MGAM: variants seen among roughly 807,000 people sequenced by gnomAD.
MGAM encodes maltase-glucoamylase.
Under a neutral mutation model 358.8 loss-of-function variants are expected in MGAM, and 253 were observed. That is an observed-to-expected ratio of 0.71 (90% CI 0.64 to 0.78). The LOEUF (loss-of-function observed/expected upper bound fraction) is 0.78, where lower values mean the gene tolerates loss of function less well. Ranked by LOEUF, MGAM falls within the 30% of genes least tolerant of loss-of-function variation. The pLI is 0.00. For missense variants in MGAM, 3,080 were observed against 3,432.6 expected (o/e 0.90, Z 2.57); for synonymous variants, 1,105 against 1,227.1 (o/e 0.90, Z 2.08).
rs782748408 is a variant in MGAM, at chr7:142,005,168, AAGAAATTTTAAAATTCACT to A, written c.-2-357_-2-339del. 1.2e-3 allele frequency among the ~76,000 whole-genome samples: 182 copies of A among 152,210 alleles called. 1 individual carries two copies. In the Middle Eastern group the frequency reaches 0.014, roughly 11 times the overall value. ...ATTATAAAAGTTTATCAGACAATGA[AAGAAATTTTAAAATTCACT>A]AGATATTTGATGACAGTAAATTATT... is the stretch of plus-strand genomic sequence containing the variant. On this transcript the variant is annotated intron_variant, in intron 1 of 70. Transcript: ENST00000475668.
At chr7:142,031,197 T>C (rs528728091) in intron 12 of MGAM, among the ~76,000 whole-genome samples, 7 of 152,226 alleles carry the variant, frequency 4.6e-5, no homozygotes, top group Non-Finnish European at 7.3e-5. Context: ...CAAATGTTTG[T>C]TTGTCCTTGT....
chr7:141,988,827 A>G (rs1803819046), intron 2 of MGAM, among the ~76,000 whole-genome samples: 1 of 152,172 alleles, frequency 6.6e-6, no homozygotes, highest in South Asian at 2.1e-4. Context: ...AGACAAGGAA[A>G]TGCTGTAATG....
At chr7:142,058,558 G>T (rs1226340654) in intron 31 of MGAM, among the ~76,000 whole-genome samples, 1 of 152,190 alleles carries the variant, frequency 6.6e-6, no homozygotes, top group African/African-American at 2.4e-5. Context: ...GAGATAGGCT[G>T]GCTCCAGGGC....
At chr7:142,050,515 TC>T (rs1360381639) in intron 23 of MGAM, among the ~76,000 whole-genome samples, 181 bp from the exon 24 acceptor site, 1 of 152,162 alleles carries the variant, frequency 6.6e-6, no homozygotes, top group African/African-American at 2.4e-5. Context: ...GTTTTTATGA[TC>T]GTTTTAAATT....
chr7:142,081,470 G>A (rs1315704232), intron 50 of MGAM, among the ~76,000 whole-genome samples: 1 of 145,536 alleles, frequency 6.9e-6, no homozygotes, highest in East Asian at 2.0e-4. Flanking sequence ...TTCAGACAGA[G>A]GGAATAGGAA....
At chr7:142,058,371 G>C (rs1287156835) in intron 31 of MGAM, 43 bp downstream of exon 31, 13 of 1,611,202 alleles carry the variant, frequency 8.1e-6, no homozygotes, top group Non-Finnish European at 1.0e-5. Context: ...AACTAACCCA[G>C]GTGCCTCTGT....
chr7:142,009,701 C>T (rs147681281), intron 3 of MGAM, among the ~76,000 whole-genome samples: 11 of 151,210 alleles, frequency 7.3e-5, no homozygotes, highest in African/African-American at 1.5e-4. Flanking sequence ...ACGGCCTTGG[C>T]GTTTATTAAT....
chr7:142,052,263 G>T, intron 24 of MGAM, 31 bp from the exon 25 acceptor site: 1 of 1,561,240 alleles, frequency 6.4e-7, no homozygotes, highest in Non-Finnish European at 8.7e-7. Flanking sequence ...TCCTAAAGAT[G>T]AATTTCCTTA....
At chr7:141,997,525 A>T (rs555010133) in intron 1 of MGAM, among the ~76,000 whole-genome samples, 25 of 152,206 alleles carry the variant, frequency 1.6e-4, no homozygotes, top group Non-Finnish European at 3.5e-4. Context: ...ATAAGCATGG[A>T]ATGGAACTAG....
At chr7:142,078,002 G>C (rs573423406) in intron 47 of MGAM, among the ~76,000 whole-genome samples, 38 of 145,308 alleles carry the variant, frequency 2.6e-4, no homozygotes, top group African/African-American at 9.0e-4. Context: ...TTCCAGACAA[G>C]ACACAGAGGG....
chr7:142,026,380 G>C (rs77330520), intron 8 of MGAM, among the ~76,000 whole-genome samples: 7,561 of 152,150 alleles, frequency 0.05, 421 homozygotes, highest in African/African-American at 0.13. Context: ...TTCTTGGGAG[G>C]CTGCAAATTA....
At position 142,040,849 on chromosome 7, in the gene MGAM, A is replaced by G; in HGVS notation, c.2498+3A>G. On this transcript the variant is annotated splice_donor_region_variant and intron_variant, in intron 21 of 70. Transcript: ENST00000475668. ...CCAAATACAACCACTCTGGCCAGGT[A>G]TAGCATGGCTGGAGTGTCCTTTCAG... is the stretch of plus-strand genomic sequence containing the variant. 1.2e-6 allele frequency: 2 copies of G among 1,605,646 alleles called. No individual in the cohort carries two copies. The highest frequency in any genetic ancestry group is 1.7e-6 in the Non-Finnish European group (2 of 1,176,656).
Position 142,081,518 on chromosome 7 carries a change from A to G in MGAM, c.6003-524A>G, listed in dbSNP as rs563776484. The stretch of plus-strand genomic sequence containing the variant: ...GGAGATGAAGCGAAGCTGGCATGCT[A>G]AAGAAAAGAAGTCTAGTGTGGTTGG... On this transcript the variant is annotated intron_variant, in intron 50 of 70. Coordinates refer to ENST00000475668, the MANE Select transcript of MGAM (RefSeq NM_001365693.1). Among the ~76,000 whole-genome samples, 5 of 145,966 alleles carry G rather than the reference A, an allele frequency of 3.4e-5. No individual in the cohort carries two copies. In the South Asian group the frequency reaches 8.8e-4, roughly 26 times the overall value.
At chr7:142,067,570 G>A (rs4072658) in intron 42 of MGAM, 145 bp downstream of exon 42, 171,511 of 569,244 alleles carry the variant, frequency 0.3, 37,710 homozygotes, top group Middle Eastern at 0.35. Flanking sequence ...CTGAGCTGAA[G>A]TCCATCACTT....
chr7:142,090,159 T>G lies in MGAM; in HGVS notation c.6811-1754T>G. 1.4e-5 allele frequency among the ~76,000 whole-genome samples: 2 copies of G among 145,834 alleles called. 1 individual carries two copies. The highest frequency in any genetic ancestry group is 4.4e-4 in the South Asian group (2 of 4,550). On this transcript the variant is annotated intron_variant, in intron 57 of 70. Coordinates refer to ENST00000475668, the MANE Select transcript of MGAM (RefSeq NM_001365693.1). ...AGGCAGAAGCCACAAAGGCAAGACT[T>G]GAATATGCACAGGTGTAAGGTAGAG...
chr7:141,995,769 T>G (rs1247092078), upstream of MGAM: 1 of 152,188 alleles, frequency 6.6e-6, no homozygotes, highest in Non-Finnish European at 1.5e-5. Context: ...ATCCTGGAAA[T>G]AAAAGCTGGC....
chr7:142,071,776 A>G (rs1306527898), intron 44 of MGAM, among the ~76,000 whole-genome samples: 1 of 146,216 alleles, frequency 6.8e-6, no homozygotes. Context: ...CTTGTGATTC[A>G]AAAGTGGATT....
At chr7:142,001,571 G>A (rs553119442) in intron 1 of MGAM, among the ~76,000 whole-genome samples, 8 of 152,340 alleles carry the variant, frequency 5.3e-5, no homozygotes, top group Non-Finnish European at 8.8e-5. Flanking sequence ...TGGGTTGGTG[G>A]AGAAAGTAGG....
At chr7:142,047,987 G>C (rs1810546076) in intron 22 of MGAM, 114 bp downstream of exon 22, 3 of 813,106 alleles carry the variant, frequency 3.7e-6, no homozygotes, top group South Asian at 3.1e-5. Context: ...ACAGTAGCAA[G>C]AGTCACTTAA....
Sources: allele counts gnomAD v4.1 joint callset (sites outside exome capture counted in the v4.1 genomes callset), GRCh38; gene constraint gnomAD v4.1.1; transcripts MANE v1.5; gene names NCBI Gene and HGNC (gene_info 2026-07-23, HGNC 2026-07-21).